The following ACOT7 variants were observed in gnomAD, a reference collection of about 807,000 sequenced individuals.
ACOT7 encodes acyl-CoA thioesterase 7, also known as cytosolic acyl coenzyme A thioester hydrolase.
In ACOT7, 12 loss-of-function variants were observed where a neutral mutation model predicts 40.2. The ratio of observed to expected loss-of-function variants is 0.30; its 90% CI spans 0.19 to 0.48. The LOEUF is 0.48. Among genes scored for constraint, ACOT7 ranks in the 20% least tolerant of loss-of-function variants. The pLI is 0.99. For missense variants in ACOT7, 395 were observed against 530.8 expected, an observed-to-expected ratio of 0.74 and a Z score of 2.51; for synonymous variants, 228 against 219.5, an observed-to-expected ratio of 1.04 and a Z score of -0.34.
At chr1:6,377,341 G>A (rs766261733) in intron 1 of ACOT7, among the ~76,000 whole-genome samples, 1 of 152,022 alleles carries the variant, frequency 6.6e-6, no homozygotes, top group African/African-American at 2.4e-5. Context: ...TTCGAGACCA[G>A]CCTGGACAAC....
At chr1:6,305,866 G>A (rs1357082536) in intron 6 of ACOT7, among the ~76,000 whole-genome samples, 19 of 152,054 alleles carry the variant, frequency 1.2e-4, no homozygotes, top group Non-Finnish European at 1.9e-4. Context: ...GTAGCGAGCC[G>A]AGATCACGCC....
At chr1:6,276,726 A>T (rs1639202817) in intron 8 of ACOT7, among the ~76,000 whole-genome samples, 1 of 151,988 alleles carries the variant, frequency 6.6e-6, no homozygotes, top group African/African-American at 2.4e-5. Context: ...GCAGTCCCCA[A>T]GTGAGAGCTG....
intron 1 of ACOT7, among the ~76,000 whole-genome samples, chr1:6,379,467 T>TC (rs1642295235): frequency 2.0e-5 from 3 of 151,704 alleles, no homozygotes; most frequent in African/African-American, 7.2e-5. Context: ...TATGTAACTT[T>TC]TTTTTTTTGA....
At chr1:6,266,465 G>C (rs1638853886) in intron 8 of ACOT7, among the ~76,000 whole-genome samples, 1 of 152,272 alleles carries the variant, frequency 6.6e-6, no homozygotes, top group Non-Finnish European at 1.5e-5. Context: ...TGCCAGTCTT[G>C]TAAATGCAGA....
chr1:6,390,473 G>C (rs975952474), intron 1 of ACOT7, among the ~76,000 whole-genome samples: 2 of 152,022 alleles, frequency 1.3e-5, no homozygotes, highest in African/African-American at 4.8e-5. Context: ...TCGGGAGGCT[G>C]AGACAGGAGA....
chr1:6,341,012 G>A (rs1465870696), intron 2 of ACOT7, among the ~76,000 whole-genome samples: 1 of 151,642 alleles, frequency 6.6e-6, no homozygotes, highest in Non-Finnish European at 1.5e-5. Flanking sequence ...CTCCAGCCTG[G>A]GTGACAGAGC....
At chr1:6,387,229 G>A (rs1033299153) in intron 1 of ACOT7, among the ~76,000 whole-genome samples, 1 of 152,050 alleles carries the variant, frequency 6.6e-6, no homozygotes, top group African/African-American at 2.4e-5. Flanking sequence ...AACTGGGCCC[G>A]CCACTACTCA....
At chr1:6,280,385 C>T (rs1008356167) in intron 8 of ACOT7, among the ~76,000 whole-genome samples, 2 of 152,238 alleles carry the variant, frequency 1.3e-5, no homozygotes, top group African/African-American at 2.4e-5. Flanking sequence ...CTTTGGGCCG[C>T]GCGAACCCTG....
chr1:6,295,319 C>G (rs1639782687), intron 6 of ACOT7: 1 of 192,170 alleles, frequency 5.2e-6, no homozygotes, highest in Admixed American at 5.5e-5. Context: ...ACAGCACGTG[C>G]TGGCGAGGAT....
Position 6,376,158 on chromosome 1 carries a change from G to A in ACOT7, c.143+17099C>T, listed in dbSNP as rs58453030. On this transcript the variant is annotated intron_variant, in intron 1 of 8. Transcript: ENST00000361521. ...TAATCCCAGGTACTCAGGAGGCTGA[G>A]GCAGGAGAATCACTTGAACCTGGGA... 0.018 allele frequency among the ~76,000 whole-genome samples: 2,799 copies of A among 152,184 alleles called. 199 individuals are homozygous for A. In the East Asian group the frequency reaches 0.21, roughly 12 times the overall value.
chr1:6,357,670 T>C (rs554186082), intron 1 of ACOT7, among the ~76,000 whole-genome samples: 6 of 152,148 alleles, frequency 3.9e-5, no homozygotes, highest in Non-Finnish European at 8.8e-5. Context: ...GGGACAGGGG[T>C]TGCCCTTCCC....
chr1:6,336,831 C>T (rs1641118534), intron 3 of ACOT7, among the ~76,000 whole-genome samples: 3 of 152,200 alleles, frequency 2.0e-5, no homozygotes, highest in Admixed American at 2.0e-4. Context: ...ACAATAGAGA[C>T]TGCAGAGAGA....
At chr1:6,383,281 G>A (rs1293614584) in intron 1 of ACOT7, among the ~76,000 whole-genome samples, 29 of 148,140 alleles carry the variant, frequency 2.0e-4, no homozygotes, top group African/African-American at 6.7e-4. Context: ...TCCGCCTCCC[G>A]GGTTCATGCC....
chr1:6,320,667 G>A (rs758325579), intron 5 of ACOT7, among the ~76,000 whole-genome samples: 25 of 152,192 alleles, frequency 1.6e-4, no homozygotes, highest in Non-Finnish European at 3.5e-4. Context: ...CACACCCGCT[G>A]CAGGGCAGGC....
At chr1:6,354,185 G>A (rs1184894494) in intron 1 of ACOT7, among the ~76,000 whole-genome samples, 1 of 152,070 alleles carries the variant, frequency 6.6e-6, no homozygotes, top group African/African-American at 2.4e-5. Context: ...TCTGGAGGTG[G>A]CATCCAGCTG....
intron 6 of ACOT7, among the ~76,000 whole-genome samples, chr1:6,296,698 C>T (rs1291149022): frequency 6.6e-6 from 1 of 152,176 alleles, no homozygotes; most frequent in Non-Finnish European, 1.5e-5. Flanking sequence ...GCTGGGATTA[C>T]AGGCATGAGC....
intron 6 of ACOT7, among the ~76,000 whole-genome samples, chr1:6,313,235 T>TG (rs1364892340): frequency 6.6e-6 from 1 of 152,028 alleles, no homozygotes; most frequent in Non-Finnish European, 1.5e-5. Context: ...TCCAGATAAA[T>TG]GGGTTAGTAA....
Position 6,278,068 on chromosome 1 carries a change from A to T in ACOT7, c.1014+3034T>A, listed in dbSNP as rs984816225. 1.3e-4 allele frequency among the ~76,000 whole-genome samples: 18 copies of T among 139,758 alleles called. No individual in the cohort carries two copies. The highest frequency in any genetic ancestry group is 2.8e-4 in the Admixed American group (4 of 14,318). 91.7% of individuals were successfully genotyped at this position (139,758 alleles called of 152,430 possible). On this transcript the variant is annotated intron_variant, in intron 8 of 8. Coordinates refer to ENST00000361521, the MANE Select transcript of ACOT7 (RefSeq NM_007274.4). The surrounding 1 kb of genome is among the most constrained non-coding windows in gnomAD (Gnocchi z 4.1). ...GATATGTGAGCCTGACAGTCCACGC[A>T]GCGTCTGCAGTGGCGGGGGGTGGTT...
chr1:6,355,689 T>C lies in ACOT7; in HGVS notation c.144-5823A>G, dbSNP rs776669028. Among the ~76,000 whole-genome samples the C allele has an allele frequency of 6.6e-6, 1 of 152,176 alleles. No homozygotes were observed. The highest frequency in any genetic ancestry group is 1.9e-4 in the East Asian group (1 of 5,192). On this transcript the variant is annotated intron_variant, in intron 1 of 8. Transcript: ENST00000361521. This position sits in a 1 kb window ranked among gnomAD's most constrained non-coding sequence, Gnocchi z 5.0. ...ATCTCAACCCTTTCAAATTAATAAG[T>C]GTTCTTTGAAAACGCTTCAAGGCAC...
Sources: gnomAD v4.1 joint callset for allele counts (sites outside exome capture counted in the v4.1 genomes callset) on GRCh38, gnomAD v4.1.1 for gene constraint, Gnocchi (gnomAD v3.1) non-coding constraint, MANE v1.5 for transcripts, NCBI Gene and HGNC (gene_info 2026-07-23, HGNC 2026-07-21) for gene names.